The following TUBGCP3 variants were observed in gnomAD, a reference collection of about 807,000 sequenced individuals.
The protein encoded by TUBGCP3 is gamma-tubulin complex component 3.
A neutral mutation model predicts 123.1 loss-of-function variants in TUBGCP3; 50 were observed. That is an observed-to-expected ratio of 0.41 (90% CI 0.32 to 0.51). The LOEUF (loss-of-function observed/expected upper bound fraction) is 0.51. Among genes scored for constraint, TUBGCP3 ranks in the 20% least tolerant of loss-of-function variants. TUBGCP3 has a pLI of 0.36. For synonymous variants in TUBGCP3, 405 were observed against 413.9 expected (o/e 0.98, Z 0.26); for missense variants, 882 against 1,127.0 (o/e 0.78, Z 3.11).
chr13:112,544,325 A>G (rs561931288), intron 11 of TUBGCP3, among the ~76,000 whole-genome samples: 100 of 151,952 alleles, frequency 6.6e-4, no homozygotes, highest in South Asian at 3.5e-3. Context: ...GGTGGCGGGC[A>G]CCTGTAGTCC....
At chr13:112,491,153 G>A (rs909337362) in intron 20 of TUBGCP3, among the ~76,000 whole-genome samples, 1 of 151,966 alleles carries the variant, frequency 6.6e-6, no homozygotes, top group Non-Finnish European at 1.5e-5. Context: ...ACTGATTTTC[G>A]CTCTCATCTT....
chr13:112,504,651 T>C lies in TUBGCP3; in HGVS notation c.2150A>G (p.Gln717Arg). 1.2e-6 allele frequency: 2 copies of C among 1,613,960 alleles called. No homozygotes were observed. Among genetic ancestry groups the C allele is most frequent in the South Asian group, 2.2e-5 (2 of 91,036 alleles). The change falls in exon 18 of 22, where the codon CAG becomes CGG. Residue 717 changes from glutamine to arginine, a missense_variant. Physicochemically the swap from Gln to Arg is conservative, Grantham distance 43. Coordinates refer to ENST00000261965, the MANE Select transcript of TUBGCP3 (RefSeq NM_006322.6). ...LASEMVHFIH[Q>R]MQYYITFEVL... ...CTCAAATGTGATGTAATACTGCATC[T>C]GATGAATGAAATGGACCATCTCAGA...
At position 112,586,149 on chromosome 13, in the gene TUBGCP3, G is replaced by A. The variant is rs1040425920; in HGVS notation, c.76+1756C>T. Among the ~76,000 whole-genome samples, 19 of 151,538 alleles carry A rather than the reference G, an allele frequency of 1.3e-4. 1 individual carries two copies. The highest frequency in any genetic ancestry group is 4.4e-4 in the African/African-American group (18 of 41,302). ...AGCTACTCGGGAGGCTGAGGCAGGA[G>A]AATGGCATGAACCCGGAAGGTAGAG... On this transcript the variant is annotated intron_variant, in intron 1 of 21. Coordinates refer to ENST00000261965, the MANE Select transcript of TUBGCP3 (RefSeq NM_006322.6).
At position 112,563,166 on chromosome 13, in the gene TUBGCP3, G is replaced by A. The variant is rs532154508; in HGVS notation, c.252+1945C>T. Among the ~76,000 whole-genome samples the A allele has an allele frequency of 2.0e-4, 31 of 152,230 alleles. No homozygotes were observed. The East Asian group carries it at 2.7e-3, about 13-fold the overall frequency. On this transcript the variant is annotated intron_variant, in intron 3 of 21. Coordinates refer to ENST00000261965, the MANE Select transcript of TUBGCP3 (RefSeq NM_006322.6). ...TCAACCTGGACCCTCCTTCCACTCC[G>A]GACTCCTTCCTCTAGGTCTACCAAC...
At position 112,558,564 on chromosome 13, in the gene TUBGCP3, C is replaced by T. The variant is rs1181568473; in HGVS notation, c.331-151G>A. On this transcript the variant is annotated intron_variant, in intron 4 of 21. Coordinates refer to ENST00000261965, the MANE Select transcript of TUBGCP3 (RefSeq NM_006322.6). ...ATTAAACAATAAATTAGATGTTATG[C>T]TTTTGAAATATGCCTAAACTGATAA... is the stretch of plus-strand genomic sequence containing the variant. The T allele has an allele frequency of 5.8e-6, 4 of 695,250 alleles. No individual in the cohort carries two copies. The East Asian group carries it at 1.2e-4, about 20-fold the overall frequency. The allele number at this position is 695,250 out of a possible 1,614,324, so 43.1% of individuals were successfully genotyped here. A position where few individuals can be genotyped will look rare whatever the true frequency, so the allele number is the denominator to read the frequency against.
intron 21 of TUBGCP3, among the ~76,000 whole-genome samples, chr13:112,488,131 CA>C (rs35453839): frequency 0.029 from 1,558 of 53,438 alleles, 33 homozygotes; most frequent in East Asian, 0.15. Context: ...GACTTGGTCT[CA>C]AAAAAAAAAA....
At chr13:112,488,730 C>T (rs1047252465) in intron 21 of TUBGCP3, among the ~76,000 whole-genome samples, 6 of 143,090 alleles carry the variant, frequency 4.2e-5, no homozygotes, top group African/African-American at 1.6e-4. Flanking sequence ...ACAGGAGCCA[C>T]CCCCAGGTCT....
rs771896879 is a variant in TUBGCP3, at chr13:112,516,405, G to A, written c.2086+35C>T. The A allele has an allele frequency of 2.0e-6, 3 of 1,538,362 alleles. No homozygotes were observed. In the Admixed American group the frequency reaches 5.9e-5, roughly 30 times the overall value. ...CAGTGGGGGCTGGAGGCCGCTGGGA[G>A]TGTGTGCGGACCCGTGACCGTGCTG... is the stretch of plus-strand genomic sequence containing the variant. On this transcript the variant is annotated intron_variant, in intron 17 of 21. Transcript: ENST00000261965.
intron 10 of TUBGCP3, chr13:112,546,512 C>G (rs1405653691): frequency 6.6e-6 from 1 of 152,346 alleles, no homozygotes; most frequent in Non-Finnish European, 1.5e-5. Context: ...TTTATTAGAC[C>G]ACTGGTAGAT....
At chr13:112,517,085 C>T (rs990680955) in intron 16 of TUBGCP3, among the ~76,000 whole-genome samples, 1 of 152,112 alleles carries the variant, frequency 6.6e-6, no homozygotes, top group African/African-American at 2.4e-5. Flanking sequence ...GGTGAGAACT[C>T]AGCTCACTGC....
chr13:112,589,223 T>C (rs1157623195), upstream of TUBGCP3, among the ~76,000 whole-genome samples: 3 of 152,234 alleles, frequency 2.0e-5, no homozygotes, highest in African/African-American at 7.2e-5. Flanking sequence ...AGTTATTCTC[T>C]CAGCCGCATA....
At chr13:112,585,767 C>CAAAT (rs1009282416) in intron 1 of TUBGCP3, among the ~76,000 whole-genome samples, 5 of 151,686 alleles carry the variant, frequency 3.3e-5, no homozygotes, top group African/African-American at 9.7e-5. Context: ...GACTCCATCT[C>CAAAT]AAATAAATAA....
At chr13:112,553,238 GCAC>G (rs1340396262) in intron 8 of TUBGCP3, among the ~76,000 whole-genome samples, 1 of 132,814 alleles carries the variant, frequency 7.5e-6, no homozygotes, top group African/African-American at 2.8e-5. Flanking sequence ...CCACACTACA[GCAC>G]CACACTCCTC....
At chr13:112,499,379 C>G (rs1880744120) in intron 19 of TUBGCP3, among the ~76,000 whole-genome samples, 194 bp from the exon 20 acceptor site, 1 of 152,216 alleles carries the variant, frequency 6.6e-6, no homozygotes, top group Non-Finnish European at 1.5e-5. Flanking sequence ...GTGCTGGGCA[C>G]CAGCAAAACG....
chr13:112,511,871 T>C lies in TUBGCP3; in HGVS notation c.2086+4569A>G, dbSNP rs1196532686. Among the ~76,000 whole-genome samples the C allele has an allele frequency of 6.6e-6, 1 of 152,134 alleles. No individual in the cohort carries two copies. Among genetic ancestry groups the C allele is most frequent in the Non-Finnish European group, 1.5e-5 (1 of 68,022 alleles). Reference sequence around the variant, plus strand: ...AGCTTTCTAATTATAAGGGACCTGCTGGTTCAGATGTGGCCCCACCAAGCT... The same window carrying C: ...AGCTTTCTAATTATAAGGGACCTGCCGGTTCAGATGTGGCCCCACCAAGCT... On this transcript the variant is annotated intron_variant, in intron 17 of 21. Coordinates refer to ENST00000261965, the MANE Select transcript of TUBGCP3 (RefSeq NM_006322.6). The surrounding 1 kb of genome is among the most constrained non-coding windows in gnomAD (Gnocchi z 4.1).
chr13:112,546,880 T>C (rs1879046009), intron 10 of TUBGCP3: 1 of 152,284 alleles, frequency 6.6e-6, no homozygotes, highest in Non-Finnish European at 1.5e-5. Flanking sequence ...GCCCTGCAGA[T>C]TCTGGGGAAC....
intron 8 of TUBGCP3, 105 bp downstream of exon 8, chr13:112,553,952 C>T (rs1388132567): frequency 4.2e-5 from 64 of 1,516,108 alleles, no homozygotes; most frequent in Non-Finnish European, 5.2e-5. Flanking sequence ...AGCTGCTTTA[C>T]TTGGAAAGAG....
At chr13:112,496,836 A>G (rs776067485) in intron 20 of TUBGCP3, among the ~76,000 whole-genome samples, 1 of 152,138 alleles carries the variant, frequency 6.6e-6, no homozygotes, top group African/African-American at 2.4e-5. Context: ...AATACAAAAA[A>G]TTAGCCGGGC....
At chr13:112,558,162 CAT>C (rs1880201251) in intron 5 of TUBGCP3, 32 bp downstream of exon 5, 2 of 1,578,374 alleles carry the variant, frequency 1.3e-6, no homozygotes, top group East Asian at 2.3e-5. Context: ...GTTTCTAACA[CAT>C]AGAGAATCTA....
Sources: gnomAD v4.1 joint callset for allele counts (sites outside exome capture counted in the v4.1 genomes callset) on GRCh38, gnomAD v4.1.1 for gene constraint, Gnocchi (gnomAD v3.1) non-coding constraint, MANE v1.5 for transcripts, NCBI Gene and HGNC (gene_info 2026-07-23, HGNC 2026-07-21) for gene names.